The following ARFGEF1 variants were observed in gnomAD, a reference collection of about 807,000 sequenced individuals.
The protein encoded by ARFGEF1 is brefeldin A-inhibited guanine nucleotide-exchange protein 1.
A neutral mutation model predicts 231.0 loss-of-function variants in ARFGEF1; 42 were observed. The ratio of observed to expected loss-of-function variants is 0.18; its 90% confidence interval spans 0.14 to 0.24. ARFGEF1 has a LOEUF of 0.24. Among genes scored for constraint, ARFGEF1 ranks in the 10% least tolerant of loss-of-function variants. The pLI, the probability that ARFGEF1 is intolerant of heterozygous loss-of-function variation, is 1.00. For missense variants in ARFGEF1, 1,345 were observed against 2,192.0 expected (o/e 0.61, Z 7.72); for synonymous variants, 710 against 732.3 (o/e 0.97, Z 0.49).
intron 34 of ARFGEF1, 62 bp downstream of exon 34, chr8:67,211,420 CA>C: frequency 2.3e-6 from 3 of 1,285,712 alleles, no homozygotes; most frequent in Admixed American, 2.7e-5. Context: ...AAAGTAAAAC[CA>C]AAAATGTTAA....
chr8:67,318,543 A>G (rs569040642), intron 1 of ARFGEF1, among the ~76,000 whole-genome samples: 1 of 152,376 alleles, frequency 6.6e-6, no homozygotes, highest in African/African-American at 2.4e-5. Flanking sequence ...TGATTATTTA[A>G]GTAAAAAATC....
rs575972122 is a variant in ARFGEF1 at position 67,232,300 on chromosome 8, T to A, written c.3380+555A>T. On this transcript the variant is annotated intron_variant, in intron 23 of 38. Transcript: ENST00000262215. ...CAAGTAACAATAGGAGACATTGTTC[T>A]ATGTGCTGGACATTTTAAAATTGGA... 4.6e-5 allele frequency among the ~76,000 whole-genome samples: 7 copies of A among 152,194 alleles called. No homozygotes were observed. In the South Asian group the frequency reaches 1.2e-3, roughly 27 times the overall value.
chr8:67,296,128 C>T (rs1806222020), intron 5 of ARFGEF1, among the ~76,000 whole-genome samples: 1 of 152,044 alleles, frequency 6.6e-6, no homozygotes, highest in African/African-American at 2.4e-5. Context: ...CTACATTACA[C>T]TCTACTAAGT....
At position 67,178,403 on chromosome 8, in the gene ARFGEF1, G is replaced by C. The variant is rs557611351; in HGVS notation, c.561-2831C>G. Among the ~76,000 whole-genome samples, 454 of 152,264 alleles carry C rather than the reference G, an allele frequency of 3.0e-3. 3 individuals are homozygous for C. Among genetic ancestry groups the C allele is most frequent in the Non-Finnish European group, 5.2e-3 (353 of 68,016 alleles). ...TCAACAAATATTTATTATTTCCTAT[G>C]GACAAGAAACTGTTCTAGGTGCCGG... is the stretch of plus-strand genomic sequence containing the variant. On this transcript the variant is annotated intron_variant, in intron 5 of 5. Transcript: ENST00000518789.
intron 14 of ARFGEF1, among the ~76,000 whole-genome samples, chr8:67,263,600 C>T (rs1036567398): frequency 7.9e-5 from 12 of 152,142 alleles, no homozygotes; most frequent in Non-Finnish European, 1.2e-4. Context: ...CTTTCCTCTG[C>T]TGCTGCACAT....
chr8:67,319,481 T>C (rs1356554814), intron 1 of ARFGEF1, among the ~76,000 whole-genome samples: 6 of 149,960 alleles, frequency 4.0e-5, no homozygotes, highest in Non-Finnish European at 8.9e-5. Flanking sequence ...ACAAATAGTG[T>C]TGGAATTAGA....
intron 7 of ARFGEF1, among the ~76,000 whole-genome samples, chr8:67,287,072 G>A (rs761408388): frequency 2.0e-5 from 3 of 152,184 alleles, no homozygotes; most frequent in Non-Finnish European, 4.4e-5. Context: ...GCCAGAGACT[G>A]CCTATCCTTA....
downstream of ARFGEF1, chr8:67,193,406 T>G: frequency 1.3e-6 from 2 of 1,517,628 alleles, no homozygotes; most frequent in South Asian, 2.3e-5. Flanking sequence ...CCTGATTCAC[T>G]GATTTGTGAA....
intron 14 of ARFGEF1, among the ~76,000 whole-genome samples, chr8:67,264,018 A>G: frequency 6.6e-6 from 1 of 152,190 alleles, no homozygotes; most frequent in Non-Finnish European, 1.5e-5. Flanking sequence ...ATTGTTGGAA[A>G]GTGAGGTGAG....
In ARFGEF1 at chr8:67,228,233, T is replaced by G; in HGVS notation, c.3412A>C (p.Asn1138His). The change falls in exon 24 of 39, where the codon AAT (asparagine) becomes CAT (histidine). Residue 1138 changes from asparagine (N) to histidine (H), a missense_variant. Transcript: ENST00000262215. ...IFTGSTRLDGNAIVDFVRWLC... is the reference protein window; with the variant it reads ...IFTGSTRLDGHAIVDFVRWLC... Reference sequence around the variant, plus strand: ...AAATGCCCATACTTACCAATGGCATTTCCATCTAGCCTTGTAGATCCTGTG... The same window carrying G: ...AAATGCCCATACTTACCAATGGCATGTCCATCTAGCCTTGTAGATCCTGTG... 1 of 1,611,176 alleles carries G rather than the reference T, an allele frequency of 6.2e-7. No homozygotes were observed. The highest frequency in any genetic ancestry group is 8.5e-7 in the Non-Finnish European group (1 of 1,178,328).
chr8:67,183,401 A>G (rs1318889198), intron 5 of ARFGEF1, among the ~76,000 whole-genome samples: 2 of 152,252 alleles, frequency 1.3e-5, no homozygotes, highest in Non-Finnish European at 2.9e-5. Flanking sequence ...TCTGGGCAAG[A>G]AAACAAACCT....
chr8:67,259,975 C>G, intron 14 of ARFGEF1, 49 bp from the exon 15 acceptor site: 1 of 1,307,056 alleles, frequency 7.7e-7, no homozygotes, highest in Non-Finnish European at 1.1e-6. Context: ...CATTCGTAGT[C>G]CCTGAAAAGA....
At chr8:67,194,986 A>AAAAG (rs1049529505), downstream of ARFGEF1, among the ~76,000 whole-genome samples, 4 of 151,644 alleles carry the variant, frequency 2.6e-5, no homozygotes, top group Admixed American at 6.6e-5. Flanking sequence ...AAAAAAAATA[A>AAAAG]AAAGAAAAAA....
chr8:67,204,916 T>A (rs1838457172), intron 34 of ARFGEF1, 97 bp from the exon 35 acceptor site: 2 of 1,414,016 alleles, frequency 1.4e-6, no homozygotes, highest in Non-Finnish European at 1.9e-6. Context: ...AACATCAATA[T>A]GTATTCACAT....
In ARFGEF1 at chr8:67,248,804, A is replaced by G. The variant is rs1028311050; in HGVS notation, c.2850+2495T>C. On this transcript the variant is annotated intron_variant, in intron 19 of 38. Coordinates refer to ENST00000262215, the MANE Select transcript of ARFGEF1 (RefSeq NM_006421.5). ...AATGTTTGTAAAATTCATACCTAGTAAACAATTTAGGACGGTCATGCCTGC... is the reference window on the plus strand; with the variant it reads ...AATGTTTGTAAAATTCATACCTAGTGAACAATTTAGGACGGTCATGCCTGC... Among the ~76,000 whole-genome samples, 2 of 150,576 alleles carry G rather than the reference A, an allele frequency of 1.3e-5. 1 individual carries two copies. Among genetic ancestry groups the G allele is most frequent in the African/African-American group, 5.0e-5 (2 of 40,370 alleles).
chr8:67,313,923 C>G (rs1453532607), intron 1 of ARFGEF1, among the ~76,000 whole-genome samples: 1 of 152,014 alleles, frequency 6.6e-6, no homozygotes, highest in East Asian at 1.9e-4. Flanking sequence ...TCAGACTCTT[C>G]TTGGGTGGGT....
chr8:67,314,192 C>T (rs968679912), intron 1 of ARFGEF1, among the ~76,000 whole-genome samples: 2 of 152,214 alleles, frequency 1.3e-5, no homozygotes, highest in East Asian at 3.8e-4. Context: ...GGCTTTCCGC[C>T]TCCCAGCTGT....
intron 22 of ARFGEF1, among the ~76,000 whole-genome samples, chr8:67,233,576 A>G (rs2128875191): frequency 6.6e-6 from 1 of 151,970 alleles, no homozygotes; most frequent in African/African-American, 2.4e-5. Context: ...TTTTCATATC[A>G]CCTGTTCATT....
At chr8:67,178,024 A>G (rs1351115907) in intron 5 of ARFGEF1, among the ~76,000 whole-genome samples, 2 of 152,222 alleles carry the variant, frequency 1.3e-5, no homozygotes, top group Non-Finnish European at 2.9e-5. Context: ...CTGTAAAATG[A>G]GGATAATAGT....
Sources: gnomAD v4.1 joint callset for allele counts (sites outside exome capture counted in the v4.1 genomes callset) on GRCh38, gnomAD v4.1.1 for gene constraint, MANE v1.5 for transcripts, NCBI Gene and HGNC (gene_info 2026-07-23, HGNC 2026-07-21) for gene names.